ADAM18: variants seen among roughly 807,000 people sequenced by gnomAD.
The protein encoded by ADAM18 is disintegrin and metalloproteinase domain-containing protein 18.
ADAM18 carries 117 observed loss-of-function variants against 94.4 expected under a neutral mutation model. That is an observed-to-expected ratio of 1.24 (90% confidence interval 1.07 to 1.45). The LOEUF (loss-of-function observed/expected upper bound fraction) is 1.45, where lower values mean the gene tolerates loss of function less well. Ranked by LOEUF, ADAM18 falls within the 40% of genes most tolerant of loss-of-function variation. ADAM18 has a pLI of 0.00. For missense variants in ADAM18, 936 were observed against 880.0 expected, an observed-to-expected ratio of 1.06 and a Z score of -0.81; for synonymous variants, 327 against 291.6, an observed-to-expected ratio of 1.12 and a Z score of -1.24.
intron 13 of ADAM18, 23 bp from the exon 14 acceptor site, chr8:39,667,969 CTTAATT>C: frequency 6.3e-7 from 1 of 1,595,814 alleles, no homozygotes; most frequent in South Asian, 1.1e-5. Flanking sequence ...ATTTACAGAA[CTTAATT>C]TTATTTTTCC....
rs189817812 is a variant in ADAM18, at chr8:39,685,629, C to T, written c.1821+5403C>T. On this transcript the variant is annotated intron_variant, in intron 16 of 19. Coordinates refer to ENST00000265707, the MANE Select transcript of ADAM18 (RefSeq NM_014237.3). ...GTGGCTTGGTCATATCCTTGGTGTT[C>T]GCTCCTGAACATGCTTTTTCATTCT... is the stretch of plus-strand genomic sequence containing the variant. Among the ~76,000 whole-genome samples the T allele has an allele frequency of 6.9e-4, 105 of 152,228 alleles. No homozygotes were observed. The East Asian group carries it at 0.011, about 16-fold the overall frequency.
chr8:39,661,456 G>A (rs1490029060), intron 12 of ADAM18, among the ~76,000 whole-genome samples: 1 of 150,956 alleles, frequency 6.6e-6, no homozygotes, highest in African/African-American at 2.4e-5. Flanking sequence ...TTACAGGCGT[G>A]AGCCACCATT....
rs867962124 is a variant in ADAM18 at position 39,609,117 on chromosome 8, T to C, written c.264T>C (p.Phe88=). Residue 88 remains phenylalanine, a synonymous_variant, in exon 4 of 20, where the codon TTT becomes TTC. Transcript: ENST00000265707. The stretch of plus-strand genomic sequence containing the variant: ...CTTTGCATTCTGTGTCTCCATATTT[T>C]ATGGTAAAGTAAGATACCTTATTTT... The part of the protein sequence containing the change: ...TGSLHSVSPY[F]MMHCHYQGYA... The C allele has an allele frequency of 1.3e-6, 2 of 1,561,514 alleles. No homozygotes were observed. Among genetic ancestry groups the C allele is most frequent in the Non-Finnish European group, 1.7e-6 (2 of 1,144,622 alleles).
At chr8:39,667,470 A>G (rs1480264358) in intron 13 of ADAM18, among the ~76,000 whole-genome samples, 1 of 151,298 alleles carries the variant, frequency 6.6e-6, no homozygotes, top group Non-Finnish European at 1.5e-5. Context: ...ACTGCTTACT[A>G]TGTATTGTTC....
intron 15 of ADAM18, 42 bp downstream of exon 15, chr8:39,677,578 T>A (rs1312727197): frequency 7.0e-7 from 1 of 1,432,962 alleles, no homozygotes; most frequent in Non-Finnish European, 9.5e-7. Flanking sequence ...ATCATAAAAA[T>A]TATGTATTTT....
intron 12 of ADAM18, among the ~76,000 whole-genome samples, chr8:39,653,206 A>C (rs1255510410): frequency 6.6e-6 from 1 of 152,228 alleles, no homozygotes; most frequent in Non-Finnish European, 1.5e-5. Flanking sequence ...TGTGTTAATT[A>C]GCTTGATTTA....
chr8:39,707,846 C>T (rs1430176777), intron 18 of ADAM18, among the ~76,000 whole-genome samples: 5 of 152,086 alleles, frequency 3.3e-5, no homozygotes, highest in Non-Finnish European at 7.4e-5. Context: ...AGTATTCACC[C>T]TTTTCCTTAA....
At chr8:39,707,030 G>A in intron 18 of ADAM18, 126 bp downstream of exon 18, 2 of 577,168 alleles carry the variant, frequency 3.5e-6, no homozygotes, top group Non-Finnish European at 3.1e-6. Flanking sequence ...TATTTGTGGG[G>A]GATACATTCT....
chr8:39,653,585 A>AGTTAAGGAATTCTACT (rs1820599926), intron 12 of ADAM18, among the ~76,000 whole-genome samples: 2 of 152,240 alleles, frequency 1.3e-5, no homozygotes, highest in East Asian at 3.8e-4. Flanking sequence ...ATTATTTAAA[A>AGTTAAGGAATTCTACT]GTTAAGGAAT....
intron 12 of ADAM18, among the ~76,000 whole-genome samples, chr8:39,652,444 G>A (rs950550784): frequency 2.6e-5 from 4 of 152,082 alleles, no homozygotes; most frequent in African/African-American, 9.7e-5. Flanking sequence ...ATGAAAATAT[G>A]CTCAAAATCA....
At chr8:39,712,270 C>T (rs998384993) in intron 18 of ADAM18, among the ~76,000 whole-genome samples, 1 of 152,056 alleles carries the variant, frequency 6.6e-6, no homozygotes, top group East Asian at 1.9e-4. Context: ...TCTCAATAAA[C>T]TAGGTATTGA....
At chr8:39,669,275 G>A (rs1000665684) in intron 14 of ADAM18, among the ~76,000 whole-genome samples, 1 of 144,114 alleles carries the variant, frequency 6.9e-6, no homozygotes, top group South Asian at 2.2e-4. Flanking sequence ...GTTCTTTTTT[G>A]TTTTTTTTAA....
intron 17 of ADAM18, among the ~76,000 whole-genome samples, chr8:39,696,992 T>G (rs1345094374): frequency 1.3e-5 from 2 of 151,554 alleles, no homozygotes; most frequent in Non-Finnish European, 3.0e-5. Context: ...GTCTTTCAAA[T>G]CATGAACATG....
chr8:39,715,248 A>G (rs1365204125), intron 18 of ADAM18, among the ~76,000 whole-genome samples: 1 of 152,088 alleles, frequency 6.6e-6, no homozygotes, highest in Non-Finnish European at 1.5e-5. Context: ...AGTAGTCTCA[A>G]GAGAAATTTT....
chr8:39,608,759 A>G (rs1585893092), intron 3 of ADAM18, among the ~76,000 whole-genome samples: 1 of 152,244 alleles, frequency 6.6e-6, no homozygotes, highest in East Asian at 1.9e-4. Flanking sequence ...GGTCCGTCAG[A>G]TAGTGAACAC....
At chr8:39,611,380 T>A (rs10107204) in intron 6 of ADAM18, 644,602 of 956,066 alleles carry the variant, frequency 0.67, 221,112 homozygotes, top group Non-Finnish European at 0.7. Flanking sequence ...CTTGGGTCTG[T>A]AAATGGATGT....
In ADAM18 at chr8:39,717,162, A is replaced by G. The variant is rs186479773; in HGVS notation, c.2018-6586A>G. The stretch of plus-strand genomic sequence containing the variant: ...AGCTACTTGTGGCTCATATAAAGTA[A>G]CTTATAAAGTCCATTTTAAGCCATT... On this transcript the variant is annotated intron_variant, in intron 18 of 19. Transcript: ENST00000265707. 2.7e-3 allele frequency among the ~76,000 whole-genome samples: 407 copies of G among 151,874 alleles called. 5 individuals carry two copies. Among genetic ancestry groups the G allele is most frequent in the African/African-American group, 9.4e-3 (391 of 41,498 alleles).
chr8:39,640,568 G>A (rs868497385), intron 10 of ADAM18, among the ~76,000 whole-genome samples: 42 of 152,130 alleles, frequency 2.8e-4, no homozygotes, highest in South Asian at 1.2e-3. Flanking sequence ...TGAGTCAAAT[G>A]GTATTTCTGC....
chr8:39,620,366 A>C (rs71518172), intron 6 of ADAM18, among the ~76,000 whole-genome samples: 3 of 136,468 alleles, frequency 2.2e-5, no homozygotes, highest in South Asian at 2.2e-4. Flanking sequence ...GCAAAAAAAA[A>C]AAAAAAAACA....
Sources: gnomAD v4.1 joint callset for allele counts (sites outside exome capture counted in the v4.1 genomes callset) on GRCh38, gnomAD v4.1.1 for gene constraint, MANE v1.5 for transcripts, NCBI Gene and HGNC (gene_info 2026-07-23, HGNC 2026-07-21) for gene names.